The following ATXN2 variants were observed in gnomAD, a reference collection of about 807,000 sequenced individuals.
ATXN2 encodes the protein ataxin 2.
A neutral mutation model predicts 138.6 loss-of-function variants in ATXN2; 37 were observed. The ratio of observed to expected loss-of-function variants is 0.27; its 90% CI spans 0.21 to 0.35. The LOEUF (loss-of-function observed/expected upper bound fraction) is 0.35, where lower values mean the gene tolerates loss of function less well. Among genes scored for constraint, ATXN2 ranks in the 10% least tolerant of loss-of-function variants. The pLI, the probability that ATXN2 is intolerant of heterozygous loss-of-function variation, is 1.00. For synonymous variants in ATXN2, 549 were observed against 543.7 expected, an observed-to-expected ratio of 1.01 and a Z score of -0.13; for missense variants, 1,216 against 1,480.3, an observed-to-expected ratio of 0.82 and a Z score of 2.93.
Position 111,552,584 on chromosome 12 carries a change from T to C in ATXN2, c.421-154A>G, listed in dbSNP as rs1592893755. 9 of 742,716 alleles carry C rather than the reference T, an allele frequency of 1.2e-5. No individual in the cohort carries two copies. The East Asian group carries it at 2.7e-4, about 23-fold the overall frequency. The allele number at this position is 742,716 out of a possible 1,614,324, so 46.0% of individuals were successfully genotyped here. A position where few individuals can be genotyped will look rare whatever the true frequency, so the allele number is the denominator to read the frequency against. ...TTTTTCCCAGGCATATGATCTATTA[T>C]CCATTCCATCATTTAAAAATCCTCA... On this transcript the variant is annotated intron_variant, in intron 4 of 24. Coordinates refer to ENST00000673436, the MANE Select transcript of ATXN2 (RefSeq NM_001372574.1). This position sits in a 1 kb window ranked among gnomAD's most constrained non-coding sequence, Gnocchi z 4.1.
At chr12:111,581,784 G>T in intron 1 of ATXN2, 1 of 548,012 alleles carries the variant, frequency 1.8e-6, no homozygotes. Context: ...CAACAGATCA[G>T]GAGGCATTAT....
Position 111,453,424 on chromosome 12 carries a change from C to CTGCTGT in ATXN2, c.3439+247_3439+252dup. ...AACTGAGTCCTAGGCATGCATCAGG[C>CTGCTGT]TGCTGTTGCTGCTGCTGCTGCTTCT... On this transcript the variant is annotated intron_variant, in intron 24 of 24. Transcript: ENST00000673436. This position sits in a 1 kb window ranked among gnomAD's most constrained non-coding sequence, Gnocchi z 5.4. The CTGCTGT allele has an allele frequency of 1.6e-6, 2 of 1,240,272 alleles. No individual in the cohort carries two copies. Among genetic ancestry groups the CTGCTGT allele is most frequent in the South Asian group, 2.8e-5 (1 of 36,296 alleles). 76.8% of individuals were successfully genotyped at this position (1,240,272 alleles called of 1,614,324 possible).
Position 111,552,911 on chromosome 12 carries a change from G to A in ATXN2, c.415C>T (p.Pro139Ser), listed in dbSNP as rs1172861901. ...AGAAAAAAAGTAAAAATTACCTTCG[G>A]ACTGTAAGTTTTAAAAACTCCTTCA... The part of the protein sequence containing the change: ...IYEGVFKTYS[P>S]KCDLVLDAAH... Residue 139 changes from proline (P) to serine (S), a missense_variant, in exon 4 of 25, where the codon CCG becomes TCG. Transcript: ENST00000673436. The surrounding 1 kb of genome is among the most constrained non-coding windows in gnomAD (Gnocchi z 4.1). 1 of 1,549,058 alleles carries A rather than the reference G, an allele frequency of 6.5e-7. No individual in the cohort carries two copies. Among genetic ancestry groups the A allele is most frequent in the African/African-American group, 1.4e-5 (1 of 70,772 alleles).
At chr12:111,526,606 T>C (rs571675499) in intron 5 of ATXN2, among the ~76,000 whole-genome samples, 1 of 152,100 alleles carries the variant, frequency 6.6e-6, no homozygotes, top group East Asian at 1.9e-4. Context: ...GGTTTCACCA[T>C]GTTGGCCAGG....
intron 10 of ATXN2, among the ~76,000 whole-genome samples, chr12:111,515,159 C>T (rs2135735659): frequency 6.6e-6 from 1 of 152,254 alleles, no homozygotes; most frequent in South Asian, 2.1e-4. Context: ...TATGACCTGC[C>T]TGCTTAGATG....
At chr12:111,503,518 T>C (rs1335446980) in intron 14 of ATXN2, among the ~76,000 whole-genome samples, 2 of 152,078 alleles carry the variant, frequency 1.3e-5, no homozygotes, top group Admixed American at 6.6e-5. Flanking sequence ...CATTATATTA[T>C]CTGAAGAGAA....
At chr12:111,462,981 C>T (rs1311193454) in intron 21 of ATXN2, among the ~76,000 whole-genome samples, 19 of 145,636 alleles carry the variant, frequency 1.3e-4, no homozygotes, top group Admixed American at 1.3e-3. Flanking sequence ...TATATATACA[C>T]ACACACACAC....
Position 111,453,503 on chromosome 12 carries a change from A to C in ATXN2, c.3439+174T>G. Reference sequence around the variant, plus strand: ...AACACACACAGACTCGGCTCCCGGAAGCCTCAGGCCCTGATGCTGAACTGA... The same window carrying C: ...AACACACACAGACTCGGCTCCCGGACGCCTCAGGCCCTGATGCTGAACTGA... On this transcript the variant is annotated intron_variant, in intron 24 of 24. Coordinates refer to ENST00000673436, the MANE Select transcript of ATXN2 (RefSeq NM_001372574.1). The surrounding 1 kb of genome is among the most constrained non-coding windows in gnomAD (Gnocchi z 5.4). The C allele has an allele frequency of 1.2e-5, 16 of 1,339,142 alleles. No homozygotes were observed. The highest frequency in any genetic ancestry group is 1.4e-5 in the Non-Finnish European group (15 of 1,048,432). 83.0% of individuals were successfully genotyped at this position (1,339,142 alleles called of 1,614,324 possible).
Position 111,516,456 on chromosome 12 carries a change from G to T in ATXN2, c.1166-93C>A. 8.3e-7 allele frequency: 1 copy of T among 1,208,900 alleles called. No individual in the cohort carries two copies. Among genetic ancestry groups the T allele is most frequent in the Non-Finnish European group, 1.2e-6 (1 of 867,958 alleles). 74.9% of individuals were successfully genotyped at this position (1,208,900 alleles called of 1,614,324 possible). A position where few individuals can be genotyped will look rare whatever the true frequency, so the allele number is the denominator to read the frequency against. On this transcript the variant is annotated intron_variant, in intron 9 of 24. Transcript: ENST00000673436. The surrounding 1 kb of genome is among the most constrained non-coding windows in gnomAD (Gnocchi z 5.0). The stretch of plus-strand genomic sequence containing the variant: ...AGAAAAAAAGTAAAATGACAAAAAT[G>T]ATTTCTTGTACATTTTAACCCTTTG...
chr12:111,533,302 C>A (rs747515000), intron 5 of ATXN2, among the ~76,000 whole-genome samples: 1 of 152,016 alleles, frequency 6.6e-6, no homozygotes, highest in Non-Finnish European at 1.5e-5. Flanking sequence ...TCTAATACCC[C>A]CTAGGGATAC....
chr12:111,561,302 T>C (rs1442284975), intron 1 of ATXN2, among the ~76,000 whole-genome samples: 1 of 150,980 alleles, frequency 6.6e-6, no homozygotes, highest in Non-Finnish European at 1.5e-5. Context: ...AAGACCAGCC[T>C]GGCAACATGC....
At chr12:111,521,828 T>C (rs999955764) in intron 6 of ATXN2, among the ~76,000 whole-genome samples, 5 of 152,160 alleles carry the variant, frequency 3.3e-5, no homozygotes, top group South Asian at 2.1e-4. Context: ...TCCTACTCCA[T>C]AGGCAGAGCA....
At chr12:111,569,922 T>C (rs989617763) in intron 1 of ATXN2, among the ~76,000 whole-genome samples, 1 of 152,162 alleles carries the variant, frequency 6.6e-6, no homozygotes, top group Non-Finnish European at 1.5e-5. Flanking sequence ...AAGAGAACTT[T>C]GTACAATGAT....
chr12:111,567,885 A>G (rs1285761409), intron 1 of ATXN2, among the ~76,000 whole-genome samples: 1 of 152,238 alleles, frequency 6.6e-6, no homozygotes, highest in African/African-American at 2.4e-5. Context: ...GCAAAACAAT[A>G]TACACAAACA....
In ATXN2 at chr12:111,519,835, G is replaced by C. The variant is rs1306550836; in HGVS notation, c.986+44C>G. The stretch of plus-strand genomic sequence containing the variant: ...CAATACACCGTCTCACACAGACCTT[G>C]AGTTGTGTATCCAAAATACTGCATC... On this transcript the variant is annotated intron_variant, in intron 8 of 24. Transcript: ENST00000673436. 2.5e-6 allele frequency: 4 copies of C among 1,613,454 alleles called. No homozygotes were observed. The African/African-American group carries it at 4.0e-5, about 16-fold the overall frequency.
intron 21 of ATXN2, among the ~76,000 whole-genome samples, chr12:111,464,335 T>TTGTG (rs375641693): frequency 0.076 from 8,066 of 105,694 alleles, 302 homozygotes; most frequent in South Asian, 0.2. Context: ...GTGTGTGTGT[T>TTGTG]TGTGTGTGTG....
intron 20 of ATXN2, among the ~76,000 whole-genome samples, chr12:111,465,623 GGCCGGTCGTGGTGGC>G (rs1044370452): frequency 2.0e-5 from 3 of 151,410 alleles, no homozygotes; most frequent in Non-Finnish European, 2.9e-5. Flanking sequence ...TACAAAAATT[GGCCGGTCGTGGTGGC>G]GCACACCTGT....
At chr12:111,515,934 C>T (rs752638310) in intron 10 of ATXN2, among the ~76,000 whole-genome samples, 1 of 152,158 alleles carries the variant, frequency 6.6e-6, no homozygotes, top group South Asian at 2.1e-4. Flanking sequence ...GAGATAAACC[C>T]CCTTTTTAAC....
chr12:111,452,759 G>C lies in ATXN2; in HGVS notation c.*53C>G. On this transcript the variant is annotated 3_prime_UTR_variant, in exon 25 of 25. Coordinates refer to ENST00000673436, the MANE Select transcript of ATXN2 (RefSeq NM_001372574.1). ...TAGTTTTCTGTGCTTCCAGTTGGTAGAAGCAGTAGAAGGGAGGAGGGAATT... is the reference window on the plus strand; with the variant it reads ...TAGTTTTCTGTGCTTCCAGTTGGTACAAGCAGTAGAAGGGAGGAGGGAATT... The C allele has an allele frequency of 1.3e-6, 2 of 1,544,274 alleles. No individual in the cohort carries two copies. Among genetic ancestry groups the C allele is most frequent in the Non-Finnish European group, 1.8e-6 (2 of 1,116,676 alleles).
Sources: gnomAD v4.1 joint callset for allele counts (sites outside exome capture counted in the v4.1 genomes callset) on GRCh38, gnomAD v4.1.1 for gene constraint, Gnocchi (gnomAD v3.1) non-coding constraint, MANE v1.5 for transcripts, NCBI Gene and HGNC (gene_info 2026-07-23, HGNC 2026-07-21) for gene names.